The following HDDC2 variants were observed in gnomAD, a reference collection of about 807,000 sequenced individuals.
HDDC2 encodes the protein 5'-deoxynucleotidase HDDC2.
A neutral mutation model predicts 25.5 loss-of-function variants in HDDC2; 25 were observed. The ratio of observed to expected loss-of-function variants is 0.98; its 90% CI spans 0.72 to 1.37. HDDC2 has a LOEUF of 1.37. HDDC2 is among the 40% of genes most tolerant of loss of function. HDDC2 has a pLI of 0.00. For missense variants in HDDC2, 264 were observed against 253.1 expected (o/e 1.04, Z -0.29); for synonymous variants, 106 against 89.7 (o/e 1.18, Z -1.03).
intron 3 of HDDC2, among the ~76,000 whole-genome samples, chr6:125,298,308 A>G (rs961067104): frequency 6.6e-6 from 1 of 152,224 alleles, no homozygotes; most frequent in Non-Finnish European, 1.5e-5. Context: ...AAAAGCTACA[A>G]AAGAACAGAC....
At chr6:125,287,085 G>C (rs1212777621) in intron 4 of HDDC2, among the ~76,000 whole-genome samples, 1 of 152,168 alleles carries the variant, frequency 6.6e-6, no homozygotes, top group African/African-American at 2.4e-5. Flanking sequence ...TGCACCACAA[G>C]TGTGCAACTG....
rs551239616 is a variant in HDDC2, at chr6:125,294,722, G to A, written c.310-1813C>T. Reference sequence around the variant, plus strand: ...TATTCTCTTTAAAATGACACACCTAGAACTGAATACAGTGATATATGTATG... The same window carrying A: ...TATTCTCTTTAAAATGACACACCTAAAACTGAATACAGTGATATATGTATG... On this transcript the variant is annotated intron_variant, in intron 3 of 5. Coordinates refer to ENST00000398153, the MANE Select transcript of HDDC2 (RefSeq NM_016063.3). 1.7e-4 allele frequency among the ~76,000 whole-genome samples: 26 copies of A among 152,208 alleles called. No homozygotes were observed. In the East Asian group the frequency reaches 3.7e-3, roughly 21 times the overall value.
At chr6:125,293,184 G>T in intron 3 of HDDC2, 1 of 497,286 alleles carries the variant, frequency 2.0e-6, no homozygotes, top group Non-Finnish European at 3.7e-6. Flanking sequence ...AGGAGGTCAT[G>T]AGACAATTAC....
chr6:125,295,702 TGTA>T (rs1243600217), intron 3 of HDDC2, among the ~76,000 whole-genome samples: 1 of 152,230 alleles, frequency 6.6e-6, no homozygotes, highest in Non-Finnish European at 1.5e-5. Context: ...CCATTCTCTT[TGTA>T]ATCTCCAAGT....
Position 125,285,726 on chromosome 6 carries a change from A to G in HDDC2, c.378+7115T>C, listed in dbSNP as rs759844705. On this transcript the variant is annotated intron_variant, in intron 4 of 5. Transcript: ENST00000398153. ...TATTAACCCAGAATAAGCAACATGAAGATACATTCTAATAAAATTACCAGA... is the reference window on the plus strand; with the variant it reads ...TATTAACCCAGAATAAGCAACATGAGGATACATTCTAATAAAATTACCAGA... Among the ~76,000 whole-genome samples, 69 of 152,220 alleles carry G rather than the reference A, an allele frequency of 4.5e-4. 2 individuals carry two copies. The highest frequency in any genetic ancestry group is 2.1e-4 in the South Asian group (1 of 4,830).
At chr6:125,297,613 C>A in intron 3 of HDDC2, 1 of 398,522 alleles carries the variant, frequency 2.5e-6, no homozygotes, top group Non-Finnish European at 4.4e-6. Context: ...TCTTTTCCCC[C>A]ACAAGCTCCA....
rs779428654 is a variant in HDDC2, at chr6:125,298,792, A to G, written c.231T>C (p.His77=). 1.1e-5 allele frequency: 18 copies of G among 1,613,958 alleles called. No individual in the cohort carries two copies. Among genetic ancestry groups the G allele is most frequent in the Non-Finnish European group, 1.5e-5 (18 of 1,179,970 alleles). ...KDRCVRLALV[H]DMAECIVGDI... ...CCCCAACGATGCATTCTGCCATATC[A>G]TGAACCAGGGCTAGGCGTACACATC... The change falls in exon 3 of 6, where the codon CAT becomes CAC. Residue 77 remains histidine (H), a synonymous_variant. Coordinates refer to ENST00000398153, the MANE Select transcript of HDDC2 (RefSeq NM_016063.3).
At chr6:125,300,239 C>A in intron 2 of HDDC2, 1 of 327,944 alleles carries the variant, frequency 3.0e-6, no homozygotes, top group Non-Finnish European at 5.7e-6. Flanking sequence ...ACACAGTGTA[C>A]TAATACAATG....
rs183314898 is a variant in HDDC2, at chr6:125,295,201, G to A, written c.310-2292C>T. On this transcript the variant is annotated intron_variant, in intron 3 of 5. Coordinates refer to ENST00000398153, the MANE Select transcript of HDDC2 (RefSeq NM_016063.3). ...CTTCTATACTGAGTTTCACCTTGTT[G>A]TTCAGTCATAGATTTAGAGTGACAG... Among the ~76,000 whole-genome samples the A allele has an allele frequency of 7.8e-4, 118 of 152,256 alleles. 1 individual carries two copies. Among genetic ancestry groups the A allele is most frequent in the African/African-American group, 2.8e-3 (115 of 41,542 alleles).
intron 1 of HDDC2, among the ~76,000 whole-genome samples, chr6:125,300,870 G>C (rs1174187457): frequency 6.6e-6 from 1 of 150,728 alleles, no homozygotes; most frequent in Non-Finnish European, 1.5e-5. Context: ...AGAAGACAGA[G>C]AGAGATAAGT....
Position 125,276,230 on chromosome 6 carries a change from G to A in HDDC2, c.531C>T (p.His177=), listed in dbSNP as rs749438832. Residue 177 remains histidine, a synonymous_variant, in exon 6 of 6, where the codon CAC becomes CAT. Coordinates refer to ENST00000398153, the MANE Select transcript of HDDC2 (RefSeq NM_016063.3). The part of the protein sequence containing the change: ...FYDSTAGKFN[H]PEIVQLVSEL... ...CAGAAACAAGCTGGACTATCTCAGG[G>A]TGATTGAATTTTCCTGCAAAGCAAA... 1.7e-5 allele frequency: 27 copies of A among 1,613,786 alleles called. No homozygotes were observed. The highest frequency in any genetic ancestry group is 2.7e-5 in the African/African-American group (2 of 75,026).
intron 1 of HDDC2, 80 bp downstream of exon 1, chr6:125,301,769 C>T: frequency 1.9e-6 from 2 of 1,068,268 alleles, no homozygotes; most frequent in Non-Finnish European, 2.7e-6. Context: ...AGACCGCCGG[C>T]CGAGCGGGGA....
chr6:125,296,497 C>G (rs1177770780), intron 3 of HDDC2, among the ~76,000 whole-genome samples: 1 of 152,196 alleles, frequency 6.6e-6, no homozygotes, highest in African/African-American at 2.4e-5. Flanking sequence ...ACATCCAAAT[C>G]TTGTTCATAA....
In HDDC2 at chr6:125,295,382, T is replaced by C. The variant is rs1463640652; in HGVS notation, c.310-2473A>G. 3.3e-5 allele frequency among the ~76,000 whole-genome samples: 5 copies of C among 152,280 alleles called. No individual in the cohort carries two copies. In the South Asian group the frequency reaches 1.0e-3, roughly 32 times the overall value. ...CAGACACTGATGAGGCTGAAGAGTG[T>C]AGTAGTCAACTGAAGACCAGATCCA... On this transcript the variant is annotated intron_variant, in intron 3 of 5. Transcript: ENST00000398153.
chr6:125,300,605 A>C lies in HDDC2; in HGVS notation c.139T>G (p.Ser47Ala). 2 of 1,614,164 alleles carry C rather than the reference A, an allele frequency of 1.2e-6. No individual in the cohort carries two copies. Among genetic ancestry groups the C allele is most frequent in the East Asian group, 4.5e-5 (2 of 44,878 alleles). Reference sequence around the variant, plus strand: ...ACTGCCATCCGGTACATGTGATCTGAAACGCTCTCCGGCCTCTGGACATTT... The same window carrying C: ...ACTGCCATCCGGTACATGTGATCTGCAACGCTCTCCGGCCTCTGGACATTT... Reference protein sequence around the residue: ...YRNVQRPESVSDHMYRMAVMA... With the variant: ...YRNVQRPESVADHMYRMAVMA... Residue 47 changes from serine (S) to alanine (A), a missense_variant, in exon 2 of 6, where the codon TCA (serine) becomes GCA (alanine). Physicochemically the swap from Ser to Ala is moderately conservative, Grantham distance 99. Transcript: ENST00000398153.
chr6:125,282,430 A>T (rs1047693613), intron 4 of HDDC2, among the ~76,000 whole-genome samples: 82 of 152,230 alleles, frequency 5.4e-4, no homozygotes, highest in African/African-American at 1.9e-3. Context: ...TCATAAGTGA[A>T]GGAGAAATAA....
At chr6:125,299,841 T>G (rs774319378) in intron 2 of HDDC2, among the ~76,000 whole-genome samples, 3 of 152,226 alleles carry the variant, frequency 2.0e-5, no homozygotes, top group Non-Finnish European at 2.9e-5. Flanking sequence ...GGCTTTGGTT[T>G]ATCTGCCCTT....
Position 125,280,041 on chromosome 6 carries a change from G to A in HDDC2, c.379-2801C>T, listed in dbSNP as rs1003710631. ...TTCTGCATTTCCAACTGGGGTATCCGGTTCATCTCACTGGGACTGGTTAGA... is the reference window on the plus strand; with the variant it reads ...TTCTGCATTTCCAACTGGGGTATCCAGTTCATCTCACTGGGACTGGTTAGA... On this transcript the variant is annotated intron_variant, in intron 4 of 5. Coordinates refer to ENST00000398153, the MANE Select transcript of HDDC2 (RefSeq NM_016063.3). Among the ~76,000 whole-genome samples, 8 of 152,178 alleles carry A rather than the reference G, an allele frequency of 5.3e-5. No homozygotes were observed. In the South Asian group the frequency reaches 1.0e-3, roughly 20 times the overall value.
chr6:125,296,534 C>T (rs78858604), intron 3 of HDDC2, among the ~76,000 whole-genome samples: 1,643 of 152,258 alleles, frequency 0.011, 28 homozygotes, highest in African/African-American at 0.038. Flanking sequence ...GAATTGTTCA[C>T]CTCCCTGATT....
Sources: gnomAD v4.1 joint callset for allele counts (sites outside exome capture counted in the v4.1 genomes callset) on GRCh38, gnomAD v4.1.1 for gene constraint, MANE v1.5 for transcripts, NCBI Gene and HGNC (gene_info 2026-07-23, HGNC 2026-07-21) for gene names.